ERBB4: variants seen among roughly 807,000 people sequenced by gnomAD.
ERBB4 encodes erb-b2 receptor tyrosine kinase 4.
In ERBB4, 42 loss-of-function variants were observed where a neutral mutation model predicts 158.0. The ratio of observed to expected loss-of-function variants is 0.27; its 90% CI spans 0.21 to 0.34. The LOEUF is 0.34. Ranked by LOEUF, ERBB4 falls within the 10% of genes least tolerant of loss-of-function variation. ERBB4 has a pLI of 1.00. For missense variants in ERBB4, 1,333 were observed against 1,624.1 expected, an observed-to-expected ratio of 0.82 and a Z score of 3.08; for synonymous variants, 583 against 558.7, an observed-to-expected ratio of 1.04 and a Z score of -0.61.
intron 1 of ERBB4, among the ~76,000 whole-genome samples, chr2:212,361,164 A>C (rs2089672312): frequency 6.6e-6 from 1 of 151,710 alleles, no homozygotes; most frequent in South Asian, 2.1e-4. Flanking sequence ...TTTCAGGATA[A>C]GGGAAATTTT....
At chr2:211,546,947 G>A (rs958743873) in intron 20 of ERBB4, among the ~76,000 whole-genome samples, 10 of 152,040 alleles carry the variant, frequency 6.6e-5, no homozygotes, top group African/African-American at 1.7e-4. Context: ...AGGTGGATGC[G>A]GTTGTAAAGG....
Position 211,750,675 on chromosome 2 carries a change from G to T in ERBB4, c.586C>A (p.Arg196Ser). ...TGATTTTCTGTGGGTCCCCAGCAAC[G>T]GCCAGTACAGGACTTATGGCAACGT... Reference protein sequence around the residue: ...CGRCHKSCTGRCWGPTENHCQ... With the variant: ...CGRCHKSCTGSCWGPTENHCQ... Residue 196 changes from arginine (R) to serine (S), a missense_variant, in exon 5 of 28, where the codon CGT becomes AGT. By Grantham distance (110) the Arg-to-Ser change is moderately radical. This residue lies in a region of ERBB4 where 438 missense variants were observed against 586.9 expected (regional missense o/e 0.75). Transcript: ENST00000342788. The T allele has an allele frequency of 6.2e-7, 1 of 1,613,876 alleles. No homozygotes were observed. The highest frequency in any genetic ancestry group is 8.5e-7 in the Non-Finnish European group (1 of 1,179,898).
intron 3 of ERBB4, among the ~76,000 whole-genome samples, chr2:211,899,881 C>T (rs545459306): frequency 6.5e-4 from 99 of 152,188 alleles, no homozygotes; most frequent in African/African-American, 2.2e-3. Flanking sequence ...TAATAAAATG[C>T]TATATTATTG....
At chr2:212,012,886 A>T (rs59883305) in intron 2 of ERBB4, among the ~76,000 whole-genome samples, 8,310 of 151,978 alleles carry the variant, frequency 0.055, 322 homozygotes, top group African/African-American at 0.11. Context: ...CTGGGACCAC[A>T]GATGCATGTC....
At chr2:211,987,923 G>A (rs751839798) in intron 2 of ERBB4, among the ~76,000 whole-genome samples, 2 of 152,014 alleles carry the variant, frequency 1.3e-5, no homozygotes, top group South Asian at 2.1e-4. Flanking sequence ...TTCAGAACTC[G>A]CCACTAAAGT....
At chr2:212,253,695 C>T (rs1020876667) in intron 1 of ERBB4, among the ~76,000 whole-genome samples, 1 of 152,150 alleles carries the variant, frequency 6.6e-6, no homozygotes, top group Non-Finnish European at 1.5e-5. Context: ...ATAAATTAAT[C>T]ATTTCATGCC....
intron 1 of ERBB4, among the ~76,000 whole-genome samples, chr2:212,208,849 A>C (rs2082845432): frequency 6.6e-6 from 1 of 152,196 alleles, no homozygotes; most frequent in South Asian, 2.1e-4. Context: ...AATGAAAAAT[A>C]ACTCTGTATA....
chr2:212,076,871 G>A (rs1187616689), intron 2 of ERBB4, among the ~76,000 whole-genome samples: 1 of 151,770 alleles, frequency 6.6e-6, no homozygotes, highest in Non-Finnish European at 1.5e-5. Context: ...CACCGAAAGG[G>A]TACATATATT....
intron 19 of ERBB4, among the ~76,000 whole-genome samples, chr2:211,617,203 C>T (rs1449475910): frequency 2.0e-5 from 3 of 152,094 alleles, no homozygotes; most frequent in Non-Finnish European, 4.4e-5. Flanking sequence ...AAGCCTCCAG[C>T]AGAGATTATT....
chr2:211,790,208 T>C (rs927141640), intron 3 of ERBB4, among the ~76,000 whole-genome samples: 3 of 152,054 alleles, frequency 2.0e-5, no homozygotes, highest in African/African-American at 7.2e-5. Context: ...CATTAGGTGA[T>C]GCTCTTCTGC....
intron 2 of ERBB4, among the ~76,000 whole-genome samples, chr2:212,098,796 G>A (rs1052069681): frequency 2.0e-5 from 3 of 152,020 alleles, no homozygotes; most frequent in African/African-American, 7.2e-5. Flanking sequence ...ATTTAAATAA[G>A]GCTTACTCTT....
At chr2:211,676,143 T>A (rs954031446) in intron 13 of ERBB4, among the ~76,000 whole-genome samples, 1 of 152,112 alleles carries the variant, frequency 6.6e-6, no homozygotes. Flanking sequence ...CCTCAAAGGC[T>A]ATCATAACCA....
intron 2 of ERBB4, among the ~76,000 whole-genome samples, chr2:212,072,959 A>T (rs965827153): frequency 1.3e-5 from 2 of 151,970 alleles, no homozygotes; most frequent in African/African-American, 4.8e-5. Context: ...CAACAACAAC[A>T]ACAACTGGAC....
At chr2:211,537,902 C>T (rs139029338) in intron 20 of ERBB4, among the ~76,000 whole-genome samples, 4 of 151,742 alleles carry the variant, frequency 2.6e-5, no homozygotes, top group Non-Finnish European at 2.9e-5. Flanking sequence ...TTTCAAAAAC[C>T]CTTTAAGACA....
At chr2:211,414,472 G>T (rs1408665186) in intron 25 of ERBB4, among the ~76,000 whole-genome samples, 4 of 134,964 alleles carry the variant, frequency 3.0e-5, no homozygotes, top group Admixed American at 2.5e-4. Flanking sequence ...CTCCAGCCTG[G>T]GTGACAGAGC....
chr2:211,661,523 G>A (rs991998884), intron 15 of ERBB4, among the ~76,000 whole-genome samples: 3 of 152,040 alleles, frequency 2.0e-5, no homozygotes, highest in Non-Finnish European at 2.9e-5. Flanking sequence ...ACCTTTGTTA[G>A]TACTAATGAC....
In ERBB4 at chr2:212,238,717, G is replaced by T. The variant is rs896657453; in HGVS notation, c.83-113814C>A. On this transcript the variant is annotated intron_variant, in intron 1 of 27. Coordinates refer to ENST00000342788, the MANE Select transcript of ERBB4 (RefSeq NM_005235.3). ...AACCATGAGTAATAAGAAATAAAAA[G>T]ATTTCATAATTTTTAAGCAACGAGT... Among the ~76,000 whole-genome samples, 11 of 152,086 alleles carry T rather than the reference G, an allele frequency of 7.2e-5. No individual in the cohort carries two copies. In the South Asian group the frequency reaches 1.2e-3, roughly 17 times the overall value.
At chr2:212,455,527 A>T (rs11681310) in intron 1 of ERBB4, among the ~76,000 whole-genome samples, 6,582 of 151,016 alleles carry the variant, frequency 0.044, 222 homozygotes, top group Non-Finnish European at 0.068. Flanking sequence ...GAGAAACTGA[A>T]TATTTTATTT....
chr2:211,973,272 G>C (rs987718611), intron 2 of ERBB4, among the ~76,000 whole-genome samples: 1 of 151,310 alleles, frequency 6.6e-6, no homozygotes, highest in Non-Finnish European at 1.5e-5. Context: ...CGGGATCTCA[G>C]CTCACTGCAA....
Sources: allele counts gnomAD v4.1 joint callset (sites outside exome capture counted in the v4.1 genomes callset), GRCh38; gene constraint gnomAD v4.1.1; regional missense constraint gnomAD v4.1.1; transcripts MANE v1.5; gene names NCBI Gene and HGNC (gene_info 2026-07-23, HGNC 2026-07-21).